Variants in RASGRP1 observed in about 807,000 individuals in gnomAD.
The protein encoded by RASGRP1 is RAS guanyl-releasing protein 1.
Under a neutral mutation model 95.1 loss-of-function variants are expected in RASGRP1, and 37 were observed. The ratio of observed to expected loss-of-function variants is 0.39; its 90% CI spans 0.30 to 0.51. The LOEUF is 0.51. Ranked by LOEUF, RASGRP1 falls within the 20% of genes least tolerant of loss-of-function variation. The pLI is 0.80. For missense variants in RASGRP1, 711 were observed against 965.4 expected, an observed-to-expected ratio of 0.74 and a Z score of 3.49; for synonymous variants, 325 against 353.4, an observed-to-expected ratio of 0.92 and a Z score of 0.90.
In RASGRP1 at chr15:38,519,323, G is replaced by T; in HGVS notation, c.375C>A (p.Ile125=). Residue 125 remains isoleucine, a synonymous_variant, in exon 4 of 17, where the codon ATC becomes ATA. Coordinates refer to ENST00000310803, the MANE Select transcript of RASGRP1 (RefSeq NM_005739.4). ...AGAAACATTACCTTACAAAATAACA[G>T]ATCTTCAGGCAAAGTCCTGGTGAAT... ...AKNSPGLCLK[I]CYFVRYWITE... 2.0e-6 allele frequency: 3 copies of T among 1,528,170 alleles called. No homozygotes were observed. Among genetic ancestry groups the T allele is most frequent in the Non-Finnish European group, 2.7e-6 (3 of 1,102,412 alleles). The allele number at this position is 1,528,170 out of a possible 1,614,324, so 94.7% of individuals were successfully genotyped here. A position where few individuals can be genotyped will look rare whatever the true frequency, so the allele number is the denominator to read the frequency against.
chr15:38,554,511 C>G (rs1462612416), intron 2 of RASGRP1, among the ~76,000 whole-genome samples: 1 of 152,108 alleles, frequency 6.6e-6, no homozygotes, highest in African/African-American at 2.4e-5. Flanking sequence ...TACAGCGGGG[C>G]CTGCAACAAA....
chr15:38,560,768 G>C (rs1893771529), intron 1 of RASGRP1, among the ~76,000 whole-genome samples: 1 of 152,130 alleles, frequency 6.6e-6, no homozygotes, highest in African/African-American at 2.4e-5. Context: ...CCTTACTTGG[G>C]TCCTGATTGA....
chr15:38,503,662 C>T (rs1162294467), intron 10 of RASGRP1: 2 of 402,436 alleles, frequency 5.0e-6, no homozygotes, highest in Non-Finnish European at 8.9e-6. Context: ...CCATTAAACC[C>T]TTTGTCAGAG....
chr15:38,494,198 T>C, intron 16 of RASGRP1, 184 bp downstream of exon 16: 1 of 784,618 alleles, frequency 1.3e-6, no homozygotes, highest in Admixed American at 2.2e-5. Flanking sequence ...GAATCAATCA[T>C]CCTTTCTTCC....
intron 2 of RASGRP1, chr15:38,534,245 T>A (rs1184990172): frequency 6.6e-6 from 1 of 152,258 alleles, no homozygotes; most frequent in African/African-American, 2.4e-5. Context: ...AACAGCAGTT[T>A]CTTGAAGTGG....
rs535554337 is a variant in RASGRP1 at position 38,507,831 on chromosome 15, G to A, written c.1137C>T (p.Asn379=). ...TGTATAGGGCCAGTAGCTTATGGAC[G>A]TTCACTTTCCCGTCCTCCAGATAGT... ...MPDYLEDGKV[N]VHKLLALYNH... Residue 379 remains asparagine (N), a synonymous_variant, in exon 9 of 17, where the codon AAC becomes AAT. Transcript: ENST00000310803. 48 of 1,613,370 alleles carry A rather than the reference G, an allele frequency of 3.0e-5. No homozygotes were observed. In the South Asian group the frequency reaches 4.6e-4, roughly 16 times the overall value.
chr15:38,563,818 G>A (rs1023057461), intron 1 of RASGRP1, among the ~76,000 whole-genome samples: 1 of 152,192 alleles, frequency 6.6e-6, no homozygotes, highest in African/African-American at 2.4e-5. Flanking sequence ...ACTGGGTATG[G>A]TGGTGCAAGG....
At chr15:38,499,103 C>CACCAAGTGAGAAGAA in intron 14 of RASGRP1, 157 bp from the exon 15 acceptor site, 1 of 1,041,020 alleles carries the variant, frequency 9.6e-7, no homozygotes. Flanking sequence ...TAGCATTCTT[C>CACCAAGTGAGAAGAA]TCACTTGGTG....
intron 15 of RASGRP1, among the ~76,000 whole-genome samples, chr15:38,497,469 T>C (rs1890839886): frequency 6.6e-6 from 1 of 152,014 alleles, no homozygotes; most frequent in African/African-American, 2.4e-5. Context: ...ACATCCTATC[T>C]GGAATGTGCT....
intron 2 of RASGRP1, among the ~76,000 whole-genome samples, chr15:38,551,648 C>T (rs745802365): frequency 6.6e-6 from 1 of 151,640 alleles, no homozygotes; most frequent in Admixed American, 6.6e-5. Context: ...CAAATTTAAA[C>T]ACAAAAATCC....
At chr15:38,546,791 C>T (rs199736251) in intron 2 of RASGRP1, among the ~76,000 whole-genome samples, 3 of 152,162 alleles carry the variant, frequency 2.0e-5, no homozygotes, top group East Asian at 1.9e-4. Flanking sequence ...AGACACACGA[C>T]ACTACTGACT....
chr15:38,494,734 C>G lies in RASGRP1; in HGVS notation c.1907G>C (p.Gly636Ala), dbSNP rs764093796. 6.6e-7 allele frequency: 1 copy of G among 1,508,656 alleles called. No homozygotes were observed. The highest frequency in any genetic ancestry group is 2.3e-5 in the Admixed American group (1 of 43,636). 93.5% of individuals were successfully genotyped at this position (1,508,656 alleles called of 1,614,324 possible). A position where few individuals can be genotyped will look rare whatever the true frequency, so the allele number is the denominator to read the frequency against. ...PEEGPFTFPN[G>A]EAVEHGEESK... ...CTCCTCACCATGTTCCACAGCCTCC[C>G]CATTAGGGAATGTAAAAGGTCCTTC... The change falls in exon 16 of 17, where the codon GGG (glycine) becomes GCG (alanine). Residue 636 changes from glycine to alanine, a missense_variant. Transcript: ENST00000310803.
In RASGRP1 at chr15:38,558,243, C is replaced by T. The variant is rs1320520426; in HGVS notation, c.220+1578G>A. On this transcript the variant is annotated intron_variant, in intron 2 of 16. Transcript: ENST00000310803. ...GAGTACATGATGAACAATGGCCCCA[C>T]GTCAGCCGCGCCTCCCCGGTCTCCA... Among the ~76,000 whole-genome samples, 6 of 152,078 alleles carry T rather than the reference C, an allele frequency of 3.9e-5. No individual in the cohort carries two copies. In the East Asian group the frequency reaches 9.6e-4, roughly 24 times the overall value.
At chr15:38,519,929 AGACT>A (rs1261916304) in intron 3 of RASGRP1, among the ~76,000 whole-genome samples, 2 of 152,236 alleles carry the variant, frequency 1.3e-5, no homozygotes, top group East Asian at 1.9e-4. Flanking sequence ...GGATGTCAGT[AGACT>A]GACCTCATAG....
intron 10 of RASGRP1, chr15:38,504,523 A>G (rs1891176760): frequency 6.6e-6 from 1 of 152,152 alleles, no homozygotes; most frequent in African/African-American, 2.4e-5. Flanking sequence ...CATCAATATC[A>G]CTGTCTTCCA....
chr15:38,564,217 C>T (rs1893931638), intron 1 of RASGRP1, among the ~76,000 whole-genome samples: 1 of 152,210 alleles, frequency 6.6e-6, no homozygotes, highest in Non-Finnish European at 1.5e-5. Flanking sequence ...GAGCCCAGCG[C>T]CCCAGCAGGT....
chr15:38,530,993 C>T (rs570342585), intron 2 of RASGRP1, among the ~76,000 whole-genome samples: 1 of 152,116 alleles, frequency 6.6e-6, no homozygotes, highest in African/African-American at 2.4e-5. Context: ...GCCATCAGCA[C>T]TGTCTAATGA....
Position 38,559,965 on chromosome 15 carries a change from G to C in RASGRP1, c.76C>G (p.Leu26Val). ...GGGCTGTTGGCTGGCTTTGCCTCTA[G>C]TCTTGCTTTAGAGGCAGCTCTGCAG... ...HGCRAASKAR[L>V]EAKPANSPFP... Residue 26 changes from leucine to valine, a missense_variant, in exon 2 of 17, where the codon CTA becomes GTA. By Grantham distance (32) the Leu-to-Val change is conservative. Coordinates refer to ENST00000310803, the MANE Select transcript of RASGRP1 (RefSeq NM_005739.4). 6.2e-7 allele frequency: 1 copy of C among 1,613,340 alleles called. No homozygotes were observed. The highest frequency in any genetic ancestry group is 8.5e-7 in the Non-Finnish European group (1 of 1,179,694).
chr15:38,493,901 CATG>C (rs1460615145), intron 16 of RASGRP1, among the ~76,000 whole-genome samples: 1 of 152,188 alleles, frequency 6.6e-6, no homozygotes, highest in Non-Finnish European at 1.5e-5. Flanking sequence ...CTTAGGTAAC[CATG>C]ATGATCCTAA....
Sources: gnomAD v4.1 joint callset for allele counts (sites outside exome capture counted in the v4.1 genomes callset) on GRCh38, gnomAD v4.1.1 for gene constraint, MANE v1.5 for transcripts, NCBI Gene and HGNC (gene_info 2026-07-23, HGNC 2026-07-21) for gene names.